Variants in LRRTM3 observed in about 807,000 individuals in gnomAD.
The protein encoded by LRRTM3 is leucine-rich repeat transmembrane neuronal protein 3.
Under a neutral mutation model 44.7 loss-of-function variants are expected in LRRTM3, and 24 were observed. That is an observed-to-expected ratio of 0.54 (90% CI 0.39 to 0.76). LRRTM3 has a LOEUF of 0.76. Among genes scored for constraint, LRRTM3 ranks in the 30% least tolerant of loss-of-function variants. The pLI is 0.00. For missense variants in LRRTM3, 587 were observed against 702.2 expected (o/e 0.84, Z 1.85); for synonymous variants, 277 against 278.7 (o/e 0.99, Z 0.06).
intron 2 of LRRTM3, among the ~76,000 whole-genome samples, chr10:66,986,624 A>G (rs1471080645): frequency 1.3e-5 from 2 of 152,198 alleles, no homozygotes; most frequent in Non-Finnish European, 2.9e-5. Context: ...ATGATACCTC[A>G]TTTTACCTGA....
intron 2 of LRRTM3, among the ~76,000 whole-genome samples, chr10:67,005,921 G>C (rs1851959035): frequency 6.6e-6 from 1 of 151,576 alleles, no homozygotes; most frequent in South Asian, 2.1e-4. Context: ...CCTGTTCTCA[G>C]GTGACCTGCC....
At chr10:66,944,898 A>G (rs1012582347) in intron 2 of LRRTM3, among the ~76,000 whole-genome samples, 1 of 152,156 alleles carries the variant, frequency 6.6e-6, no homozygotes, top group African/African-American at 2.4e-5. Context: ...ATCTTTTTTT[A>G]GCACTAGGAC....
chr10:67,007,835 C>A (rs1852095500), intron 2 of LRRTM3, among the ~76,000 whole-genome samples: 1 of 151,868 alleles, frequency 6.6e-6, no homozygotes, highest in South Asian at 2.1e-4. Flanking sequence ...CCATTCACCT[C>A]AAAATAGCCA....
At chr10:67,056,787 G>A (rs1312276531) in intron 2 of LRRTM3, among the ~76,000 whole-genome samples, 4 of 152,148 alleles carry the variant, frequency 2.6e-5, no homozygotes, top group Admixed American at 2.6e-4. Flanking sequence ...GAATAAATCT[G>A]CTAGAGCAGG....
intron 2 of LRRTM3, among the ~76,000 whole-genome samples, chr10:66,944,417 T>A (rs1204536496): frequency 6.6e-6 from 1 of 152,144 alleles, no homozygotes; most frequent in Non-Finnish European, 1.5e-5. Context: ...TTCCACCACA[T>A]CTTCAGTTAC....
intron 2 of LRRTM3, among the ~76,000 whole-genome samples, chr10:66,949,486 A>C (rs970958384): frequency 6.6e-6 from 1 of 151,992 alleles, no homozygotes; most frequent in East Asian, 1.9e-4. Context: ...TGAACCCAGG[A>C]GGCGGAGGTT....
rs1029052681 is a variant in LRRTM3, at chr10:66,926,464, T to A, written c.-120T>A. On this transcript the variant is annotated 5_prime_UTR_variant, in exon 1 of 3. Transcript: ENST00000361320. The stretch of plus-strand genomic sequence containing the variant: ...CGGTCCATCTCCCAAGGGGTCCAAT[T>A]TTTCTTCCTGGGTGTCAGCGAGCCC... The A allele has an allele frequency of 1.2e-4, 146 of 1,182,294 alleles. No individual in the cohort carries two copies. The East Asian group carries it at 3.4e-3, about 28-fold the overall frequency. 73.2% of individuals were successfully genotyped at this position (1,182,294 alleles called of 1,614,324 possible).
At chr10:67,042,997 C>T (rs536149811) in intron 2 of LRRTM3, among the ~76,000 whole-genome samples, 45 of 152,046 alleles carry the variant, frequency 3.0e-4, no homozygotes, top group African/African-American at 6.0e-4. Context: ...AATCAGCAAC[C>T]GGTGGAATAG....
At chr10:66,951,502 A>G (rs1848538766) in intron 2 of LRRTM3, among the ~76,000 whole-genome samples, 1 of 152,190 alleles carries the variant, frequency 6.6e-6, no homozygotes, top group Admixed American at 6.5e-5. Context: ...CGACAAATCT[A>G]TGAGATAGGT....
intron 2 of LRRTM3, among the ~76,000 whole-genome samples, chr10:67,048,645 G>A (rs1171293292): frequency 2.0e-5 from 3 of 152,022 alleles, no homozygotes; most frequent in South Asian, 4.1e-4. Context: ...TATTTTGAGA[G>A]CTGCAGAAAA....
intron 2 of LRRTM3, among the ~76,000 whole-genome samples, chr10:67,054,005 T>C (rs1287056222): frequency 6.6e-6 from 1 of 152,156 alleles, no homozygotes; most frequent in African/African-American, 2.4e-5. Flanking sequence ...CTACACGATA[T>C]CTCTAAAAGA....
chr10:67,011,587 ATGAG>A (rs1265226200), intron 2 of LRRTM3, among the ~76,000 whole-genome samples: 3 of 152,144 alleles, frequency 2.0e-5, no homozygotes, highest in Admixed American at 6.5e-5. Flanking sequence ...GATAATATAA[ATGAG>A]TATTTTTTCC....
chr10:66,989,404 A>G (rs532317590), intron 2 of LRRTM3, among the ~76,000 whole-genome samples: 5 of 152,210 alleles, frequency 3.3e-5, no homozygotes, highest in Non-Finnish European at 7.3e-5. Flanking sequence ...CTTCTTGATT[A>G]TATTTGTAGG....
At chr10:67,042,518 A>G (rs1452051527) in intron 2 of LRRTM3, among the ~76,000 whole-genome samples, 1 of 152,004 alleles carries the variant, frequency 6.6e-6, no homozygotes, top group African/African-American at 2.4e-5. Context: ...TGTATAAGAC[A>G]TAGAGTGTGG....
intron 2 of LRRTM3, among the ~76,000 whole-genome samples, chr10:66,950,244 T>TATA (rs1302852323): frequency 6.6e-6 from 1 of 152,186 alleles, no homozygotes; most frequent in African/African-American, 2.4e-5. Context: ...ACTCTAATTG[T>TATA]ATATTATTAT....
intron 2 of LRRTM3, among the ~76,000 whole-genome samples, chr10:67,013,354 T>G (rs1376581703): frequency 6.6e-6 from 1 of 152,232 alleles, no homozygotes; most frequent in Admixed American, 6.5e-5. Context: ...TTAATAGATA[T>G]GTTTTCCTTT....
At chr10:66,980,397 G>T (rs1850349897) in intron 2 of LRRTM3, among the ~76,000 whole-genome samples, 1 of 152,088 alleles carries the variant, frequency 6.6e-6, no homozygotes, top group Non-Finnish European at 1.5e-5. Flanking sequence ...CCATCTTCTG[G>T]CTCACACAGA....
chr10:66,938,164 A>T (rs1490235031), intron 2 of LRRTM3, among the ~76,000 whole-genome samples: 1 of 152,178 alleles, frequency 6.6e-6, no homozygotes, highest in African/African-American at 2.4e-5. Flanking sequence ...TAGTCATAAA[A>T]ACTTTTTTTA....
intron 2 of LRRTM3, among the ~76,000 whole-genome samples, chr10:66,942,338 G>A (rs71496023): frequency 4.5e-3 from 678 of 152,188 alleles, no homozygotes; most frequent in Admixed American, 0.013. Context: ...GGATCTACCA[G>A]CAATTTGCAA....
Sources: allele counts gnomAD v4.1 joint callset (sites outside exome capture counted in the v4.1 genomes callset), GRCh38; gene constraint gnomAD v4.1.1; transcripts MANE v1.5; gene names NCBI Gene and HGNC (gene_info 2026-07-23, HGNC 2026-07-21).